CLEC4F: variants seen among roughly 807,000 people sequenced by gnomAD.
CLEC4F encodes C-type (calcium dependent, carbohydrate-recognition domain) lectin, superfamily member 13.
In CLEC4F, 45 loss-of-function variants were observed where a neutral mutation model predicts 53.4. That is an observed-to-expected ratio of 0.84 (90% CI 0.66 to 1.08). The LOEUF (loss-of-function observed/expected upper bound fraction) is 1.08. Among genes scored for constraint, CLEC4F ranks in the 50% least tolerant of loss-of-function variants. The probability of loss-of-function intolerance (pLI) is 0.00; values close to 1 mark genes in which losing one functional copy is unlikely to be tolerated. For missense variants in CLEC4F, 753 were observed against 698.2 expected (o/e 1.08, Z -0.88); for synonymous variants, 245 against 257.5 (o/e 0.95, Z 0.46).
chr2:70,817,993 C>A (rs1553396832), intron 3 of CLEC4F, among the ~76,000 whole-genome samples: 1 of 152,200 alleles, frequency 6.6e-6, no homozygotes, highest in African/African-American at 2.4e-5. Flanking sequence ...CCTTTGTTCA[C>A]CTCATGAACT....
intron 5 of CLEC4F, chr2:70,811,096 T>A (rs1676532284): frequency 4.4e-6 from 3 of 681,584 alleles, no homozygotes; most frequent in African/African-American, 1.8e-5. Context: ...AACAAGTGTG[T>A]GTCTAGTATA....
chr2:70,823,170 G>A (rs976078952), upstream of CLEC4F, among the ~76,000 whole-genome samples: 9 of 152,154 alleles, frequency 5.9e-5, no homozygotes, highest in Non-Finnish European at 1.2e-4. Context: ...GGGGCCCAAT[G>A]TGTAGAGTGC....
chr2:70,818,571 C>T (rs1677054912), intron 3 of CLEC4F, among the ~76,000 whole-genome samples: 1 of 151,706 alleles, frequency 6.6e-6, no homozygotes, highest in African/African-American at 2.4e-5. Flanking sequence ...ATTAGCCAGG[C>T]GTGGTGGCGG....
rs1240708412 is a variant in CLEC4F, at chr2:70,820,583, C to G, written c.-60G>C. The G allele has an allele frequency of 1.2e-5, 18 of 1,516,876 alleles. No homozygotes were observed. In the East Asian group the frequency reaches 4.2e-4, roughly 35 times the overall value. 94.0% of individuals were successfully genotyped at this position (1,516,876 alleles called of 1,614,324 possible). A position where few individuals can be genotyped will look rare whatever the true frequency, so the allele number is the denominator to read the frequency against. ...CCACTGGCTCCTGGAAGGGCCGTCCCGTGGACCAATGGCAGTGGAAGCAAA... is the reference window on the plus strand; with the variant it reads ...CCACTGGCTCCTGGAAGGGCCGTCCGGTGGACCAATGGCAGTGGAAGCAAA... On this transcript the variant is annotated 5_prime_UTR_variant, in exon 1 of 7. Coordinates refer to ENST00000272367, the MANE Select transcript of CLEC4F (RefSeq NM_173535.3).
chr2:70,809,465 C>T (rs1676419603), intron 6 of CLEC4F, 83 bp from the exon 7 acceptor site: 3 of 1,449,488 alleles, frequency 2.1e-6, no homozygotes, highest in East Asian at 2.4e-5. Context: ...TCCTAATGAC[C>T]CTCTGTGGAG....
At chr2:70,813,641 T>TTCTTTCTC (rs1366735080) in intron 4 of CLEC4F, among the ~76,000 whole-genome samples, 9 of 145,966 alleles carry the variant, frequency 6.2e-5, no homozygotes, top group African/African-American at 2.4e-4. Flanking sequence ...CTTTCTTTCT[T>TTCTTTCTC]TCGCTCTCTC....
At chr2:70,813,678 CCTTT>C (rs1290848181) in intron 4 of CLEC4F, among the ~76,000 whole-genome samples, 4 of 101,922 alleles carry the variant, frequency 3.9e-5, no homozygotes, top group African/African-American at 1.5e-4. Context: ...TTTCTTTCTT[CCTTT>C]CTTTCTTTTT....
Position 70,815,993 on chromosome 2 carries a change from C to T in CLEC4F, c.1387+1G>A. On this transcript the variant is annotated splice_donor_variant, in intron 4 of 6. Coordinates refer to ENST00000272367, the MANE Select transcript of CLEC4F (RefSeq NM_173535.3). LOFTEE classifies it high-confidence loss of function. ...AAACGCGACTCCCCTCTCCCACTTA[C>T]TTTGGGTTCTTTGTAGCTGTTCCTG... The T allele has an allele frequency of 6.2e-7, 1 of 1,611,158 alleles. No homozygotes were observed. Among genetic ancestry groups the T allele is most frequent in the Non-Finnish European group, 8.5e-7 (1 of 1,178,062 alleles).
In CLEC4F at chr2:70,812,428, C is replaced by T. The variant is rs782523817; in HGVS notation, c.1539+19G>A. The stretch of plus-strand genomic sequence containing the variant: ...CCACACCAATTCCACCAACAACACC[C>T]CATGCTCGCAGCTCTGACCTGCTCC... On this transcript the variant is annotated intron_variant, in intron 5 of 6. Coordinates refer to ENST00000272367, the MANE Select transcript of CLEC4F (RefSeq NM_173535.3). 6.2e-7 allele frequency: 1 copy of T among 1,612,492 alleles called. No homozygotes were observed. The highest frequency in any genetic ancestry group is 8.5e-7 in the Non-Finnish European group (1 of 1,179,614).
Position 70,820,578 on chromosome 2 carries a change from C to T in CLEC4F, c.-55G>A, listed in dbSNP as rs373421573. 1.6e-5 allele frequency: 25 copies of T among 1,531,068 alleles called. No homozygotes were observed. Among genetic ancestry groups the T allele is most frequent in the East Asian group, 2.4e-5 (1 of 41,168 alleles). The allele number at this position is 1,531,068 out of a possible 1,614,324, so 94.8% of individuals were successfully genotyped here. A position where few individuals can be genotyped will look rare whatever the true frequency, so the allele number is the denominator to read the frequency against. On this transcript the variant is annotated 5_prime_UTR_variant, in exon 1 of 7. Transcript: ENST00000272367. Reference sequence around the variant, plus strand: ...CCCAGCCACTGGCTCCTGGAAGGGCCGTCCCGTGGACCAATGGCAGTGGAA... The same window carrying T: ...CCCAGCCACTGGCTCCTGGAAGGGCTGTCCCGTGGACCAATGGCAGTGGAA...
chr2:70,811,154 A>T, intron 5 of CLEC4F: 1 of 698,836 alleles, frequency 1.4e-6, no homozygotes, highest in South Asian at 1.3e-5. Flanking sequence ...ATGCAAAGAA[A>T]AATCCATTGT....
chr2:70,823,922 C>A (rs13412300), upstream of CLEC4F, among the ~76,000 whole-genome samples: 91,134 of 150,704 alleles, frequency 0.6, 28,036 homozygotes, highest in Middle Eastern at 0.7. Context: ...CCCAGCTACT[C>A]GGGAGGCTGA....
chr2:70,818,586 C>T (rs1421153582), intron 3 of CLEC4F, among the ~76,000 whole-genome samples: 1 of 151,846 alleles, frequency 6.6e-6, no homozygotes, highest in African/African-American at 2.4e-5. Flanking sequence ...TGGCGGGCGC[C>T]TGTAGTCCTA....
At chr2:70,820,748 T>TC (rs1677192525), upstream of CLEC4F, 1 of 510,422 alleles carries the variant, frequency 2.0e-6, no homozygotes, top group African/African-American at 2.0e-5. Context: ...TTCTTCCTCT[T>TC]CCCATTAGCA....
upstream of CLEC4F, among the ~76,000 whole-genome samples, chr2:70,824,463 G>GC (rs1183155797): frequency 6.6e-6 from 1 of 151,800 alleles, no homozygotes; most frequent in African/African-American, 2.4e-5. Context: ...AATAGCAACA[G>GC]CCACACAGCC....
intron 3 of CLEC4F, 59 bp downstream of exon 3, chr2:70,819,296 G>T (rs1677092294): frequency 5.4e-6 from 7 of 1,300,612 alleles, no homozygotes; most frequent in Non-Finnish European, 7.8e-6. Flanking sequence ...TCATCCTAGG[G>T]TCTGAGCATC....
intron 3 of CLEC4F, among the ~76,000 whole-genome samples, chr2:70,818,710 A>G (rs1340277095): frequency 6.6e-6 from 1 of 151,858 alleles, no homozygotes; most frequent in Non-Finnish European, 1.5e-5. Flanking sequence ...GACTCCGTCA[A>G]AAAACAAAAA....
At chr2:70,810,162 G>A (rs1553393857) in intron 5 of CLEC4F, among the ~76,000 whole-genome samples, 1 of 149,404 alleles carries the variant, frequency 6.7e-6, no homozygotes, top group African/African-American at 2.5e-5. Flanking sequence ...TAATAGATGG[G>A]TTTGCTTGAT....
rs78497993 is a variant in CLEC4F, at chr2:70,815,174, G to T, written c.1387+820C>A. On this transcript the variant is annotated intron_variant, in intron 4 of 6. Coordinates refer to ENST00000272367, the MANE Select transcript of CLEC4F (RefSeq NM_173535.3). ...CTCTTGTCCACAGGCCAGTCAAAGA[G>T]AACTGCCTGAAGTTTCCAGAATCTC... 3.3e-3 allele frequency among the ~76,000 whole-genome samples: 500 copies of T among 152,270 alleles called. 1 individual carries two copies. The highest frequency in any genetic ancestry group is 0.011 in the African/African-American group (461 of 41,542).
Sources: allele counts gnomAD v4.1 joint callset (sites outside exome capture counted in the v4.1 genomes callset), GRCh38; gene constraint gnomAD v4.1.1; transcripts MANE v1.5; gene names NCBI Gene and HGNC (gene_info 2026-07-23, HGNC 2026-07-21).